UQCRFS1: variants seen among roughly 807,000 people sequenced by gnomAD.
The protein encoded by UQCRFS1 is ubiquinol-cytochrome c reductase, Rieske iron-sulfur polypeptide 1, also known as cytochrome b-c1 complex subunit Rieske, mitochondrial.
A neutral mutation model predicts 15.6 loss-of-function variants in UQCRFS1; 6 were observed. The ratio of observed to expected loss-of-function variants is 0.38; its 90% CI spans 0.21 to 0.76. UQCRFS1 has a LOEUF of 0.76. Ranked by LOEUF, UQCRFS1 falls within the 30% of genes least tolerant of loss-of-function variation. The pLI is 0.44. For synonymous variants in UQCRFS1, 105 were observed against 154.3 expected, an observed-to-expected ratio of 0.68 and a Z score of 2.37; for missense variants, 203 against 366.7, an observed-to-expected ratio of 0.55 and a Z score of 3.65.
chr19:29,212,749 C>A (rs1285504470), intron 1 of UQCRFS1, among the ~76,000 whole-genome samples, 156 bp downstream of exon 1: 2 of 152,210 alleles, frequency 1.3e-5, no homozygotes, highest in African/African-American at 2.4e-5. Context: ...CAGAAAGACG[C>A]CCCGAGCCCG....
At chr19:29,210,610 G>A (rs1459159184) in intron 1 of UQCRFS1, among the ~76,000 whole-genome samples, 1 of 149,532 alleles carries the variant, frequency 6.7e-6, no homozygotes, top group Non-Finnish European at 1.5e-5. Flanking sequence ...AACATGCAGT[G>A]TTTGTTTTTT....
intron 1 of UQCRFS1, among the ~76,000 whole-genome samples, chr19:29,211,188 AAAC>A (rs964600280): frequency 5.3e-5 from 8 of 150,420 alleles, no homozygotes; most frequent in South Asian, 4.3e-4. Flanking sequence ...TACAAGAAAA[AAAC>A]AAACAACCCC....
intron 1 of UQCRFS1, among the ~76,000 whole-genome samples, chr19:29,209,132 T>A (rs1437278128): frequency 6.9e-6 from 1 of 144,974 alleles, no homozygotes; most frequent in Admixed American, 7.1e-5. Context: ...CACAGTTACA[T>A]CCCTCTCTCC....
At chr19:29,211,673 T>C (rs1976651506) in intron 1 of UQCRFS1, among the ~76,000 whole-genome samples, 1 of 152,230 alleles carries the variant, frequency 6.6e-6, no homozygotes, top group Non-Finnish European at 1.5e-5. Context: ...ATAAAAACTT[T>C]ATTCACCTGA....
At position 29,205,998 on chromosome 19, in the gene UQCRFS1, T is replaced by A. The variant is rs996339208; in HGVS notation, c.*1550A>T. On this transcript the variant is annotated 3_prime_UTR_variant, in exon 2 of 2. Transcript: ENST00000304863. The stretch of plus-strand genomic sequence containing the variant: ...AGAATTTCAAGGTATCACTTCAGGG[T>A]GGGAGGTGATATAGGTTATCAGTAT... 3 of 152,154 alleles carry A rather than the reference T, an allele frequency of 2.0e-5. No homozygotes were observed. The highest frequency in any genetic ancestry group is 4.4e-5 in the Non-Finnish European group (3 of 68,044). 9.4% of individuals were successfully genotyped at this position (152,154 alleles called of 1,614,324 possible).
At chr19:29,211,955 G>A (rs923654924) in intron 1 of UQCRFS1, among the ~76,000 whole-genome samples, 7 of 152,154 alleles carry the variant, frequency 4.6e-5, no homozygotes, top group Non-Finnish European at 5.9e-5. Context: ...CCACTACACA[G>A]CACACTATGG....
intron 1 of UQCRFS1, among the ~76,000 whole-genome samples, chr19:29,211,345 C>T (rs62109286): frequency 1.3e-5 from 2 of 152,180 alleles, no homozygotes; most frequent in African/African-American, 2.4e-5. Context: ...TTTAGCAACA[C>T]GACGAATTCC....
chr19:29,211,348 C>A (rs548298215), intron 1 of UQCRFS1, among the ~76,000 whole-genome samples: 1 of 152,222 alleles, frequency 6.6e-6, no homozygotes, highest in African/African-American at 2.4e-5. Context: ...AGCAACACGA[C>A]GAATTCCAAA....
intron 1 of UQCRFS1, among the ~76,000 whole-genome samples, chr19:29,209,166 CAA>C (rs55709605): frequency 6.6e-6 from 1 of 151,864 alleles, no homozygotes; most frequent in South Asian, 2.1e-4. Context: ...AATATCTGAC[CAA>C]AAAAAAATTT....
chr19:29,207,191 G>A lies in UQCRFS1; in HGVS notation c.*357C>T, dbSNP rs1315757685. ...ACTTCATCCCAACAATGACCGTGCA[G>A]AATCTGCGTCCCTGACGCAAAGCAG... On this transcript the variant is annotated 3_prime_UTR_variant, in exon 2 of 2. Transcript: ENST00000304863. 1 of 197,374 alleles carries A rather than the reference G, an allele frequency of 5.1e-6. No individual in the cohort carries two copies. Among genetic ancestry groups the A allele is most frequent in the African/African-American group, 2.4e-5 (1 of 42,394 alleles). The allele number at this position is 197,374 out of a possible 1,614,324, so 12.2% of individuals were successfully genotyped here.
In UQCRFS1 at chr19:29,207,502, G is replaced by C. The variant is rs1349787512; in HGVS notation, c.*46C>G. ...GCTTCCTCTCAAATAAGTCTCCTGAGGTGACATAAAGACTGAAAGAAGCCT... is the reference window on the plus strand; with the variant it reads ...GCTTCCTCTCAAATAAGTCTCCTGACGTGACATAAAGACTGAAAGAAGCCT... On this transcript the variant is annotated 3_prime_UTR_variant, in exon 2 of 2. Coordinates refer to ENST00000304863, the MANE Select transcript of UQCRFS1 (RefSeq NM_006003.3). 8 of 1,525,268 alleles carry C rather than the reference G, an allele frequency of 5.2e-6. No individual in the cohort carries two copies. Among genetic ancestry groups the C allele is most frequent in the East Asian group, 2.3e-5 (1 of 44,014 alleles). 94.5% of individuals were successfully genotyped at this position (1,525,268 alleles called of 1,614,324 possible).
chr19:29,212,481 C>A (rs976666558), intron 1 of UQCRFS1, among the ~76,000 whole-genome samples: 2 of 151,852 alleles, frequency 1.3e-5, no homozygotes, highest in Non-Finnish European at 2.9e-5. Context: ...GTTTCCATTT[C>A]TTAAGCATGT....
At chr19:29,211,281 G>C (rs1002409439) in intron 1 of UQCRFS1, among the ~76,000 whole-genome samples, 1 of 151,978 alleles carries the variant, frequency 6.6e-6, no homozygotes, top group African/African-American at 2.4e-5. Context: ...ATGAAAAAAT[G>C]CTCAGCATCA....
rs144004676 is a variant in UQCRFS1, at chr19:29,206,837, T to C, written c.*711A>G. 1 of 152,324 alleles carries C rather than the reference T, an allele frequency of 6.6e-6. No individual in the cohort carries two copies. Among genetic ancestry groups the C allele is most frequent in the Non-Finnish European group, 1.5e-5 (1 of 68,040 alleles). The allele number at this position is 152,324 out of a possible 1,614,324, so 9.4% of individuals were successfully genotyped here. A position where few individuals can be genotyped will look rare whatever the true frequency, so the allele number is the denominator to read the frequency against. On this transcript the variant is annotated 3_prime_UTR_variant, in exon 2 of 2. Coordinates refer to ENST00000304863, the MANE Select transcript of UQCRFS1 (RefSeq NM_006003.3). ...AACGAAATGGCAGAGCACTCTCATT[T>C]TGGAAAGTTTCTCTCAGGTAATATC...
chr19:29,211,494 T>C (rs1388087997), intron 1 of UQCRFS1, among the ~76,000 whole-genome samples: 2 of 152,204 alleles, frequency 1.3e-5, no homozygotes, highest in African/African-American at 2.4e-5. Context: ...CAAATATTCA[T>C]TCACAAATAC....
At chr19:29,210,425 T>C (rs1372425930) in intron 1 of UQCRFS1, among the ~76,000 whole-genome samples, 3 of 151,966 alleles carry the variant, frequency 2.0e-5, no homozygotes, top group Admixed American at 6.6e-5. Context: ...GTTAGTTACA[T>C]ATGTATACAT....
Position 29,206,727 on chromosome 19 carries a change from GT to G in UQCRFS1, c.*820del, listed in dbSNP as rs1976597508. On this transcript the variant is annotated 3_prime_UTR_variant, in exon 2 of 2. Transcript: ENST00000304863. ...GCAGGACCACTTCTGCATGCAGGCA[GT>G]ATTAGGTCTCAGATGCTCCCTTTCT... 1 of 152,222 alleles carries G rather than the reference GT, an allele frequency of 6.6e-6. No homozygotes were observed. Among genetic ancestry groups the G allele is most frequent in the South Asian group, 2.1e-4 (1 of 4,828 alleles). The allele number at this position is 152,222 out of a possible 1,614,324, so 9.4% of individuals were successfully genotyped here.
Position 29,213,119 on chromosome 19 carries a change from G to A in UQCRFS1, c.-1C>T, listed in dbSNP as rs1156234428. 3.3e-6 allele frequency: 5 copies of A among 1,521,562 alleles called. No individual in the cohort carries two copies. The highest frequency in any genetic ancestry group is 5.2e-5 in the East Asian group (2 of 38,718). The allele number at this position is 1,521,562 out of a possible 1,614,324, so 94.3% of individuals were successfully genotyped here. A position where few individuals can be genotyped will look rare whatever the true frequency, so the allele number is the denominator to read the frequency against. The stretch of plus-strand genomic sequence containing the variant: ...CTGAGCGGGATGCTACCGACAACAT[G>A]GCGACAGCCGCTCCAACCGCCAAGC... On this transcript the variant is annotated 5_prime_UTR_variant, in exon 1 of 2. Coordinates refer to ENST00000304863, the MANE Select transcript of UQCRFS1 (RefSeq NM_006003.3).
chr19:29,210,296 T>C (rs1976631343), intron 1 of UQCRFS1, among the ~76,000 whole-genome samples: 1 of 152,232 alleles, frequency 6.6e-6, no homozygotes, highest in African/African-American at 2.4e-5. Flanking sequence ...GAAAAGGTTT[T>C]TGCCTTATGG....
Sources: allele counts gnomAD v4.1 joint callset (sites outside exome capture counted in the v4.1 genomes callset), GRCh38; gene constraint gnomAD v4.1.1; transcripts MANE v1.5; gene names NCBI Gene and HGNC (gene_info 2026-07-23, HGNC 2026-07-21).